The following MAP3K13 variants were observed in gnomAD, a reference collection of about 807,000 sequenced individuals.
MAP3K13 encodes the protein mitogen-activated protein kinase kinase kinase 13.
A neutral mutation model predicts 104.0 loss-of-function variants in MAP3K13; 52 were observed. The observed-to-expected ratio is 0.50, with a 90% confidence interval of 0.40 to 0.63. The LOEUF (loss-of-function observed/expected upper bound fraction) is 0.63. Ranked by LOEUF, MAP3K13 falls within the 20% of genes least tolerant of loss-of-function variation. MAP3K13 has a pLI of 0.00. For synonymous variants in MAP3K13, 394 were observed against 442.2 expected (o/e 0.89, Z 1.37); for missense variants, 914 against 1,218.5 (o/e 0.75, Z 3.72).
chr3:185,444,361 A>C (rs1271381004), intron 4 of MAP3K13, among the ~76,000 whole-genome samples: 2 of 151,866 alleles, frequency 1.3e-5, no homozygotes, highest in South Asian at 2.1e-4. Context: ...AAAATAAATA[A>C]ATAATAAAAA....
intron 1 of MAP3K13, among the ~76,000 whole-genome samples, chr3:185,380,282 G>A (rs1056916902): frequency 1.3e-5 from 2 of 150,832 alleles, no homozygotes; most frequent in Non-Finnish European, 2.9e-5. Flanking sequence ...GGAAGCCAAG[G>A]CAGGAGGATC....
At position 185,428,830 on chromosome 3, in the gene MAP3K13, C is replaced by A; in HGVS notation, c.249C>A (p.Ser83Arg). 1 of 1,614,086 alleles carries A rather than the reference C, an allele frequency of 6.2e-7. No homozygotes were observed. Among genetic ancestry groups the A allele is most frequent in the Non-Finnish European group, 8.5e-7 (1 of 1,180,008 alleles). The change falls in exon 2 of 14, where the codon AGC becomes AGA. Residue 83 changes from serine to arginine, a missense_variant. Physicochemically the swap from Ser to Arg is moderately radical, Grantham distance 110. Transcript: ENST00000265026. ...SEDSRDQFEN[S>R]VLQLREHDES... ...ATTCCAGGGACCAGTTTGAGAACAG[C>A]GTTCTTCAGCTAAGGGAACACGATG...
intron 2 of MAP3K13, among the ~76,000 whole-genome samples, chr3:185,296,898 A>C (rs1352409809): frequency 1.3e-5 from 2 of 152,226 alleles, no homozygotes; most frequent in African/African-American, 4.8e-5. Flanking sequence ...GGATGGGGAC[A>C]TAAAGAGAAT....
Position 185,465,763 on chromosome 3 carries a change from C to T in MAP3K13, c.1405C>T (p.Arg469Cys), listed in dbSNP as rs1717374974. ...REELRHALDI[R>C]EHYERKLERA... ...CTCTGACAGGCATGCGCTGGATATT[C>T]GTGAACACTATGAGCGGAAGCTTGA... The change falls in exon 9 of 14, where the codon CGT (arginine) becomes TGT (cysteine). Residue 469 changes from arginine (R) to cysteine (C), a missense_variant. Around this residue, in one of 3 missense-constraint regions of MAP3K13, gnomAD observed 583 missense variants for 737.4 expected, o/e 0.79. Coordinates refer to ENST00000265026, the MANE Select transcript of MAP3K13 (RefSeq NM_004721.5). The T allele has an allele frequency of 5.0e-6, 8 of 1,613,596 alleles. No homozygotes were observed. The highest frequency in any genetic ancestry group is 6.8e-6 in the Non-Finnish European group (8 of 1,179,666).
chr3:185,297,966 CTT>C (rs879453538), intron 2 of MAP3K13, among the ~76,000 whole-genome samples: 11 of 141,454 alleles, frequency 7.8e-5, no homozygotes, highest in African/African-American at 1.0e-4. Flanking sequence ...CTAATTCTGT[CTT>C]TTTTTTTTTT....
chr3:185,422,850 A>G (rs1714211022), intron 1 of MAP3K13, among the ~76,000 whole-genome samples: 1 of 152,224 alleles, frequency 6.6e-6, no homozygotes. Flanking sequence ...GGAGGTGAGC[A>G]GCAGGTGGGT....
chr3:185,348,848 C>G (rs1228226327), intron 2 of MAP3K13, among the ~76,000 whole-genome samples: 1 of 152,216 alleles, frequency 6.6e-6, no homozygotes, highest in East Asian at 1.9e-4. Context: ...ACCCAGGAGG[C>G]GGAGGTTGCA....
rs1720563047 is a variant in MAP3K13 at position 185,287,485 on chromosome 3, C to T, written c.-86+1842C>T. The stretch of plus-strand genomic sequence containing the variant: ...CTGATTATCTGCCTTGGGAATGCAG[C>T]AGAAAATTCTGGTGACTTTTACTTC... On this transcript the variant is annotated intron_variant, in intron 2 of 14. Transcript: ENST00000424227. 2.6e-5 allele frequency among the ~76,000 whole-genome samples: 4 copies of T among 152,258 alleles called. No homozygotes were observed. The South Asian group carries it at 8.3e-4, about 32-fold the overall frequency.
intron 1 of MAP3K13, among the ~76,000 whole-genome samples, chr3:185,387,570 CAT>C (rs1711769962): frequency 6.6e-6 from 1 of 152,026 alleles, no homozygotes; most frequent in African/African-American, 2.4e-5. Flanking sequence ...ACTAAGACAC[CAT>C]ATGATCACCT....
intron 1 of MAP3K13, among the ~76,000 whole-genome samples, chr3:185,421,183 TTTTG>T (rs1351129835): frequency 1.3e-5 from 2 of 151,962 alleles, no homozygotes; most frequent in Non-Finnish European, 2.9e-5. Context: ...TTTTGTTTTG[TTTTG>T]TTTGTTTGTT....
chr3:185,368,549 T>C (rs1723999696), intron 1 of MAP3K13, among the ~76,000 whole-genome samples: 1 of 152,064 alleles, frequency 6.6e-6, no homozygotes, highest in South Asian at 2.1e-4. Flanking sequence ...TATCACATAA[T>C]AACCATGGAG....
At chr3:185,456,803 G>T (rs1330195912) in intron 7 of MAP3K13, among the ~76,000 whole-genome samples, 3 of 151,932 alleles carry the variant, frequency 2.0e-5, no homozygotes, top group South Asian at 2.1e-4. Context: ...GTTTCACCAC[G>T]TTGGCCAGGC....
In MAP3K13 at chr3:185,404,530, T is replaced by C. The variant is rs559083466; in HGVS notation, c.-85-23967T>C. Among the ~76,000 whole-genome samples, 28 of 152,194 alleles carry C rather than the reference T, an allele frequency of 1.8e-4. 1 individual carries two copies. The highest frequency in any genetic ancestry group is 5.9e-4 in the Admixed American group (9 of 15,280). The stretch of plus-strand genomic sequence containing the variant: ...GGGGTTGGCAATCAGACCAGCTTCA[T>C]GGGTATGTAACCTATGCAGTTGCAC... On this transcript the variant is annotated intron_variant, in intron 1 of 13. Coordinates refer to ENST00000265026, the MANE Select transcript of MAP3K13 (RefSeq NM_004721.5).
intron 2 of MAP3K13, among the ~76,000 whole-genome samples, chr3:185,343,098 C>G (rs13314910): frequency 6.6e-6 from 1 of 152,084 alleles, no homozygotes; most frequent in Non-Finnish European, 1.5e-5. Flanking sequence ...TTATAGCTAG[C>G]GAGGGAAGGA....
chr3:185,417,686 A>T, intron 1 of MAP3K13: 1 of 1,612,620 alleles, frequency 6.2e-7, no homozygotes, highest in Non-Finnish European at 8.5e-7. Flanking sequence ...TTTTCATCTG[A>T]TTTGGCTGGT....
intron 1 of MAP3K13, among the ~76,000 whole-genome samples, chr3:185,409,350 A>G (rs1713296953): frequency 6.6e-6 from 1 of 152,250 alleles, no homozygotes; most frequent in South Asian, 2.1e-4. Flanking sequence ...CCTGGGCTAC[A>G]GAGCGAGACC....
At chr3:185,472,205 CTTTTTTT>C (rs568380003) in intron 10 of MAP3K13, among the ~76,000 whole-genome samples, 1 of 118,628 alleles carries the variant, frequency 8.4e-6, no homozygotes, top group Admixed American at 8.5e-5. Context: ...ATCCCTTCTT[CTTTTTTT>C]TTTTTTTTTT....
At chr3:185,411,430 A>C (rs1713438357) in intron 1 of MAP3K13, among the ~76,000 whole-genome samples, 1 of 152,216 alleles carries the variant, frequency 6.6e-6, no homozygotes, top group Admixed American at 6.5e-5. Context: ...CAAGCCCATG[A>C]CAAATACTGA....
chr3:185,457,081 C>A (rs1002333558), intron 7 of MAP3K13, among the ~76,000 whole-genome samples: 2 of 152,134 alleles, frequency 1.3e-5, no homozygotes, highest in Non-Finnish European at 2.9e-5. Flanking sequence ...AAGCCAGTCA[C>A]ACATTTTGAG....
Sources: gnomAD v4.1 joint callset for allele counts (sites outside exome capture counted in the v4.1 genomes callset) on GRCh38, gnomAD v4.1.1 for gene constraint, gnomAD v4.1.1 regional missense constraint, MANE v1.5 for transcripts, NCBI Gene and HGNC (gene_info 2026-07-23, HGNC 2026-07-21) for gene names.